Variants in RAB3IP observed in about 807,000 individuals in gnomAD.
RAB3IP encodes RAB3A interacting protein, also known as rab-3A-interacting protein.
In RAB3IP, 36 loss-of-function variants were observed where a neutral mutation model predicts 59.1. That is an observed-to-expected ratio of 0.61 (90% CI 0.47 to 0.80). The LOEUF (loss-of-function observed/expected upper bound fraction) is 0.80. Among genes scored for constraint, RAB3IP ranks in the 30% least tolerant of loss-of-function variants. The pLI, the probability that RAB3IP is intolerant of heterozygous loss-of-function variation, is 0.00. For synonymous variants in RAB3IP, 207 were observed against 191.2 expected, an observed-to-expected ratio of 1.08 and a Z score of -0.68; for missense variants, 511 against 536.0, an observed-to-expected ratio of 0.95 and a Z score of 0.46.
chr12:69,802,333 T>G (rs934788169), intron 8 of RAB3IP, among the ~76,000 whole-genome samples: 18 of 152,064 alleles, frequency 1.2e-4, no homozygotes, highest in African/African-American at 4.3e-4. Context: ...TTATAAAGGA[T>G]TCTCACTTAA....
At chr12:69,738,566 C>T (rs891526384), upstream of RAB3IP, 1 of 151,876 alleles carries the variant, frequency 6.6e-6, no homozygotes, top group African/African-American at 2.4e-5. Flanking sequence ...GAGGCCGCCT[C>T]TCGGGCCCGG....
intron 5 of RAB3IP, 28 bp downstream of exon 5, chr12:69,794,542 AAAAT>A (rs751648235): frequency 1.3e-6 from 2 of 1,555,842 alleles, no homozygotes; most frequent in Admixed American, 3.5e-5. Flanking sequence ...TTAATAGTAT[AAAAT>A]AAATTTGTGA....
At position 69,822,959 on chromosome 12, in the gene RAB3IP, T is replaced by C. The variant is rs1000520057; in HGVS notation, c.*7513T>C. ...AATATACTTATTGTTTAATATATCC[T>C]GTACCACTGTAGGATGACTGTAGTT... On this transcript the variant is annotated 3_prime_UTR_variant, in exon 11 of 11. Transcript: ENST00000247833. The C allele has an allele frequency of 6.6e-6, 1 of 152,188 alleles. No individual in the cohort carries two copies. The highest frequency in any genetic ancestry group is 1.9e-4 in the East Asian group (1 of 5,202). The allele number at this position is 152,188 out of a possible 1,614,324, so 9.4% of individuals were successfully genotyped here.
chr12:69,762,774 A>AG (rs1871539230), intron 3 of RAB3IP, among the ~76,000 whole-genome samples: 2 of 149,552 alleles, frequency 1.3e-5, no homozygotes, highest in Non-Finnish European at 3.0e-5. Context: ...AAAAAAAAAA[A>AG]AAAAAGAAAA....
rs1471407391 is a variant in RAB3IP, at chr12:69,821,476, A to G, written c.*6030A>G. 1 of 152,168 alleles carries G rather than the reference A, an allele frequency of 6.6e-6. No individual in the cohort carries two copies. Among genetic ancestry groups the G allele is most frequent in the African/African-American group, 2.4e-5 (1 of 41,434 alleles). The allele number at this position is 152,168 out of a possible 1,614,324, so 9.4% of individuals were successfully genotyped here. ...GAGTGCTCTGGATTCTGATTAATAG[A>G]GATTTTCTAGTCCTCCCAGCAACTT... On this transcript the variant is annotated 3_prime_UTR_variant, in exon 11 of 11. Coordinates refer to ENST00000247833, the MANE Select transcript of RAB3IP (RefSeq NM_022456.5).
chr12:69,760,193 C>G (rs1871076515), intron 3 of RAB3IP, among the ~76,000 whole-genome samples: 1 of 152,256 alleles, frequency 6.6e-6, no homozygotes, highest in Admixed American at 6.5e-5. Context: ...GCCCGGCCAA[C>G]ACAGCGAAAC....
At chr12:69,748,794 T>G (rs1250330552) in intron 1 of RAB3IP, among the ~76,000 whole-genome samples, 1 of 152,230 alleles carries the variant, frequency 6.6e-6, no homozygotes, top group Non-Finnish European at 1.5e-5. Context: ...AGTAGTTTAT[T>G]TTACTCTTAT....
intron 4 of RAB3IP, chr12:69,785,134 A>C (rs1245826208): frequency 6.3e-6 from 1 of 159,496 alleles, no homozygotes; most frequent in Non-Finnish European, 1.4e-5. Flanking sequence ...ATGACTGTAC[A>C]ACTAAGAGGG....
At chr12:69,808,639 T>C (rs913578246) in intron 8 of RAB3IP, among the ~76,000 whole-genome samples, 1 of 152,230 alleles carries the variant, frequency 6.6e-6, no homozygotes, top group African/African-American at 2.4e-5. Flanking sequence ...GTTGAATTGA[T>C]CCCTTTACCA....
At chr12:69,753,050 T>G (rs1487792881) in intron 1 of RAB3IP, among the ~76,000 whole-genome samples, 1 of 152,216 alleles carries the variant, frequency 6.6e-6, no homozygotes, top group Non-Finnish European at 1.5e-5. Flanking sequence ...ACTAGTTTCA[T>G]TTTGAAGAAT....
chr12:69,806,105 C>A (rs1036211785), intron 8 of RAB3IP, among the ~76,000 whole-genome samples: 2 of 152,126 alleles, frequency 1.3e-5, no homozygotes, highest in Admixed American at 1.3e-4. Flanking sequence ...TGGTAGAATT[C>A]GGCTGTGAAT....
chr12:69,784,079 T>C (rs959795029), intron 3 of RAB3IP, among the ~76,000 whole-genome samples: 2 of 152,172 alleles, frequency 1.3e-5, no homozygotes, highest in Non-Finnish European at 2.9e-5. Context: ...GCATACAAAA[T>C]TGCATATGCT....
chr12:69,756,486 CTAT>C lies in RAB3IP; in HGVS notation c.334_336del (p.Tyr112del). The C allele has an allele frequency of 6.2e-7, 1 of 1,614,056 alleles. No homozygotes were observed. Among genetic ancestry groups the C allele is most frequent in the Non-Finnish European group, 8.5e-7 (1 of 1,179,972 alleles). ...CTAAATTAACTACAAGAAAGGACAA[CTAT>C]AATGCAGAGAGAGAGTTTTTACAGG... On this transcript the variant is annotated inframe_deletion, in exon 3 of 11. Coordinates refer to ENST00000247833, the MANE Select transcript of RAB3IP (RefSeq NM_022456.5).
At chr12:69,742,978 T>G (rs1328624588) in intron 1 of RAB3IP, among the ~76,000 whole-genome samples, 2 of 152,210 alleles carry the variant, frequency 1.3e-5, no homozygotes, top group Non-Finnish European at 2.9e-5. Context: ...ATAGTTCAAG[T>G]TCATGAAAGA....
At chr12:69,785,475 C>G (rs541871996) in intron 4 of RAB3IP, among the ~76,000 whole-genome samples, 172 of 152,276 alleles carry the variant, frequency 1.1e-3, no homozygotes, top group African/African-American at 4.1e-3. Flanking sequence ...CAGGGAGCTG[C>G]AGTGGGAGTC....
intron 4 of RAB3IP, among the ~76,000 whole-genome samples, chr12:69,787,273 C>T (rs974978974): frequency 1.3e-4 from 19 of 151,978 alleles, no homozygotes; most frequent in African/African-American, 4.4e-4. Context: ...TTTCTTCTAA[C>T]GCCTCCAATT....
At chr12:69,784,246 C>T (rs1875244565) in intron 3 of RAB3IP, among the ~76,000 whole-genome samples, 1 of 151,840 alleles carries the variant, frequency 6.6e-6, no homozygotes, top group Admixed American at 6.6e-5. Context: ...ATATAGTCTC[C>T]TAATAGATAT....
At chr12:69,795,836 G>A (rs1199419805) in intron 6 of RAB3IP, 4 of 159,802 alleles carry the variant, frequency 2.5e-5, no homozygotes, top group Non-Finnish European at 5.4e-5. Context: ...GCCTTACAAT[G>A]ACATAAGGCT....
chr12:69,794,644 A>ATT, intron 5 of RAB3IP, 130 bp downstream of exon 5: 2 of 632,710 alleles, frequency 3.2e-6, no homozygotes, highest in Non-Finnish European at 5.4e-6. Context: ...CTACAGAAAA[A>ATT]TAGAAGAAAA....
Sources: gnomAD v4.1 joint callset for allele counts (sites outside exome capture counted in the v4.1 genomes callset) on GRCh38, gnomAD v4.1.1 for gene constraint, MANE v1.5 for transcripts, NCBI Gene and HGNC (gene_info 2026-07-23, HGNC 2026-07-21) for gene names.